HDAC9: variants seen among roughly 807,000 people sequenced by gnomAD.
HDAC9 encodes MEF-2 interacting transcription repressor (MITR) protein.
HDAC9 carries 41 observed loss-of-function variants against 139.4 expected under a neutral mutation model. The observed-to-expected ratio is 0.29, with a 90% CI of 0.23 to 0.38. HDAC9 has a LOEUF of 0.38. Ranked by LOEUF, HDAC9 falls within the 10% of genes least tolerant of loss-of-function variation. The pLI is 1.00. For missense variants in HDAC9, 1,147 were observed against 1,297.0 expected (o/e 0.88, Z 1.78); for synonymous variants, 517 against 476.2 (o/e 1.09, Z -1.12).
Position 18,592,267 on chromosome 7 carries a change from C to G in HDAC9, c.542+625C>G, listed in dbSNP as rs576988737. ...CCACCTCACTTCATTTCTTCCCAGA[C>G]AGCAAAATAATAGCTTGGCTCCTGA... On this transcript the variant is annotated intron_variant, in intron 5 of 25. Transcript: ENST00000686413. Among the ~76,000 whole-genome samples the G allele has an allele frequency of 7.2e-5, 11 of 152,184 alleles. No individual in the cohort carries two copies. The East Asian group carries it at 1.9e-3, about 27-fold the overall frequency.
At chr7:18,195,694 G>A (rs1457603795) in intron 2 of HDAC9, among the ~76,000 whole-genome samples, 1 of 152,072 alleles carries the variant, frequency 6.6e-6, no homozygotes, top group Non-Finnish European at 1.5e-5. Context: ...CATTTTCACT[G>A]TTACAGACAT....
chr7:18,241,828 G>A (rs558670497), intron 2 of HDAC9, among the ~76,000 whole-genome samples: 36 of 152,224 alleles, frequency 2.4e-4, no homozygotes, highest in African/African-American at 8.4e-4. Context: ...CTTGCTTCGT[G>A]AGCCAAAAAA....
intron 1 of HDAC9, among the ~76,000 whole-genome samples, chr7:18,296,106 T>TA (rs1798130119): frequency 6.6e-6 from 1 of 152,274 alleles, no homozygotes; most frequent in Admixed American, 6.5e-5. Flanking sequence ...AACTTCTTTG[T>TA]AAAAAACAAC....
At chr7:18,512,471 A>T (rs1801819696) in intron 2 of HDAC9, among the ~76,000 whole-genome samples, 1 of 152,218 alleles carries the variant, frequency 6.6e-6, no homozygotes, top group Non-Finnish European at 1.5e-5. Context: ...AAGGGCATAT[A>T]AGAAAACTTG....
At chr7:18,519,389 A>G (rs1420183946) in intron 2 of HDAC9, among the ~76,000 whole-genome samples, 2 of 152,226 alleles carry the variant, frequency 1.3e-5, no homozygotes, top group Non-Finnish European at 2.9e-5. Flanking sequence ...GTTAATATCT[A>G]TAAAGCAGAA....
chr7:18,517,163 G>A (rs1030143539), intron 2 of HDAC9, among the ~76,000 whole-genome samples: 11 of 152,124 alleles, frequency 7.2e-5, no homozygotes, highest in African/African-American at 2.4e-4. Context: ...GGTATTTAAA[G>A]ACAAACATAT....
At chr7:18,197,574 G>C (rs889880368) in intron 2 of HDAC9, among the ~76,000 whole-genome samples, 1 of 152,118 alleles carries the variant, frequency 6.6e-6, no homozygotes, top group Non-Finnish European at 1.5e-5. Context: ...AGGTGAATGA[G>C]AGAGACAAGC....
chr7:18,191,037 G>A (rs573908589), intron 2 of HDAC9, among the ~76,000 whole-genome samples: 9 of 152,132 alleles, frequency 5.9e-5, no homozygotes, highest in Middle Eastern at 3.4e-3. Context: ...AACAACACAG[G>A]GATTAAGGGT....
chr7:18,933,840 A>T (rs1585346058), intron 22 of HDAC9, among the ~76,000 whole-genome samples: 1 of 152,176 alleles, frequency 6.6e-6, no homozygotes, highest in Non-Finnish European at 1.5e-5. Flanking sequence ...AAATAGAACA[A>T]AATTGGAATT....
chr7:18,421,937 A>G (rs1404938897), intron 1 of HDAC9, among the ~76,000 whole-genome samples: 2 of 152,170 alleles, frequency 1.3e-5, no homozygotes, highest in African/African-American at 4.8e-5. Context: ...ATCTGGGTAT[A>G]TCTTTCGGGC....
intron 2 of HDAC9, among the ~76,000 whole-genome samples, chr7:18,528,927 T>C (rs1807869137): frequency 6.6e-6 from 1 of 152,146 alleles, no homozygotes; most frequent in East Asian, 1.9e-4. Flanking sequence ...GTAAAAAACA[T>C]GAGATAAAAT....
intron 14 of HDAC9, among the ~76,000 whole-genome samples, chr7:18,749,576 C>A (rs1024520395): frequency 6.6e-6 from 1 of 152,098 alleles, no homozygotes; most frequent in African/African-American, 2.4e-5. Flanking sequence ...AAAGTCATTT[C>A]TTTTTATTGA....
intron 11 of HDAC9, among the ~76,000 whole-genome samples, chr7:18,651,688 C>A (rs536160803): frequency 2.6e-5 from 4 of 152,106 alleles, no homozygotes; most frequent in Non-Finnish European, 4.4e-5. Flanking sequence ...TTCAGTGTAA[C>A]TACATAATGT....
chr7:18,280,365 G>GTCCCACTTTGGGGGAC (rs1187299109), intron 2 of HDAC9, among the ~76,000 whole-genome samples: 6 of 152,064 alleles, frequency 3.9e-5, no homozygotes, highest in African/African-American at 1.4e-4. Flanking sequence ...CCAGGTGGGC[G>GTCCCACTTTGGGGGAC]CATCATGAGG....
In HDAC9 at chr7:18,542,339, A is replaced by G. The variant is rs573125297; in HGVS notation, c.23-42942A>G. Among the ~76,000 whole-genome samples, 9 of 152,288 alleles carry G rather than the reference A, an allele frequency of 5.9e-5. No individual in the cohort carries two copies. The South Asian group carries it at 1.9e-3, about 32-fold the overall frequency. Reference sequence around the variant, plus strand: ...AACTTCTCTATACCTCAATTTCCTCATCTCTAATATAAATACCTTAATAAA... The same window carrying G: ...AACTTCTCTATACCTCAATTTCCTCGTCTCTAATATAAATACCTTAATAAA... On this transcript the variant is annotated intron_variant, in intron 2 of 25. Coordinates refer to ENST00000686413, the MANE Select transcript of HDAC9 (RefSeq NM_178425.4).
chr7:18,936,271 G>T (rs185728775), intron 23 of HDAC9, among the ~76,000 whole-genome samples: 1 of 149,458 alleles, frequency 6.7e-6, no homozygotes, highest in African/African-American at 2.5e-5. Flanking sequence ...TTCTTGTAGG[G>T]TTATGTTATT....
intron 13 of HDAC9, among the ~76,000 whole-genome samples, chr7:18,742,816 T>C (rs1787580191): frequency 6.6e-6 from 1 of 152,172 alleles, no homozygotes; most frequent in South Asian, 2.1e-4. Context: ...ATTTTAATTT[T>C]GCTACTCTTT....
At chr7:18,364,258 A>G (rs751808517) in intron 1 of HDAC9, among the ~76,000 whole-genome samples, 8 of 152,110 alleles carry the variant, frequency 5.3e-5, no homozygotes, top group Middle Eastern at 3.2e-3. Flanking sequence ...GTGCAGTGTT[A>G]GTAATGGTAC....
At chr7:18,506,173 A>T (rs1413736473) in intron 2 of HDAC9, 1 of 152,200 alleles carries the variant, frequency 6.6e-6, no homozygotes, top group African/African-American at 2.4e-5. Context: ...AGGGGCAATA[A>T]TGTTGTTTAA....
Sources: gnomAD v4.1 joint callset for allele counts (sites outside exome capture counted in the v4.1 genomes callset) on GRCh38, gnomAD v4.1.1 for gene constraint, MANE v1.5 for transcripts, NCBI Gene and HGNC (gene_info 2026-07-23, HGNC 2026-07-21) for gene names.